Variants in CCSER1 observed in about 807,000 individuals in gnomAD.
The protein encoded by CCSER1 is serine-rich coiled-coil domain-containing protein 1.
CCSER1 carries 41 observed loss-of-function variants against 82.0 expected under a neutral mutation model. That is an observed-to-expected ratio of 0.50 (90% CI 0.39 to 0.65). The LOEUF (loss-of-function observed/expected upper bound fraction) is 0.65. Ranked by LOEUF, CCSER1 falls within the 30% of genes least tolerant of loss-of-function variation. CCSER1 has a pLI of 0.00. For synonymous variants in CCSER1, 414 were observed against 383.9 expected (o/e 1.08, Z -0.92); for missense variants, 1,119 against 1,064.2 (o/e 1.05, Z -0.72).
intron 1 of CCSER1, among the ~76,000 whole-genome samples, chr4:90,270,489 A>G (rs1259149103): frequency 6.6e-6 from 1 of 152,054 alleles, no homozygotes; most frequent in African/African-American, 2.4e-5. Flanking sequence ...TAGAAGGAAC[A>G]CACCTCAACA....
intron 10 of CCSER1, among the ~76,000 whole-genome samples, chr4:91,448,393 A>G (rs565776329): frequency 6.6e-6 from 1 of 152,232 alleles, no homozygotes; most frequent in Admixed American, 6.5e-5. Flanking sequence ...TCAATAAACC[A>G]TTTAATTACT....
At chr4:90,923,617 G>GA in intron 9 of CCSER1, 170 bp downstream of exon 9, 1 of 518,440 alleles carries the variant, frequency 1.9e-6, no homozygotes, top group East Asian at 3.0e-5. Context: ...AACTAAAAAA[G>GA]ATGATTACAG....
chr4:90,409,265 A>C (rs1754279314), intron 4 of CCSER1, among the ~76,000 whole-genome samples: 2 of 152,240 alleles, frequency 1.3e-5, no homozygotes, highest in Admixed American at 1.3e-4. Flanking sequence ...ATTCAAATTC[A>C]GGAAATACAG....
chr4:91,415,951 T>G (rs1424004836), intron 10 of CCSER1, among the ~76,000 whole-genome samples: 1 of 152,086 alleles, frequency 6.6e-6, no homozygotes, highest in Non-Finnish European at 1.5e-5. Context: ...CATTTTCAAT[T>G]GTTTGGAATA....
Position 91,057,123 on chromosome 4 carries a change from G to A in CCSER1, c.2173-28827G>A, listed in dbSNP as rs149894148. On this transcript the variant is annotated intron_variant, in intron 9 of 10. Transcript: ENST00000509176. Reference sequence around the variant, plus strand: ...GAACAAAGATCCCTGATATTTGGAGGACAAGGTCCTTATTGCCCACCCTGG... The same window carrying A: ...GAACAAAGATCCCTGATATTTGGAGAACAAGGTCCTTATTGCCCACCCTGG... Among the ~76,000 whole-genome samples, 5 of 152,266 alleles carry A rather than the reference G, an allele frequency of 3.3e-5. No homozygotes were observed. The East Asian group carries it at 9.7e-4, about 29-fold the overall frequency.
At chr4:91,496,291 C>T (rs1225557879) in intron 10 of CCSER1, among the ~76,000 whole-genome samples, 1 of 151,070 alleles carries the variant, frequency 6.6e-6, no homozygotes, top group East Asian at 1.9e-4. Flanking sequence ...TTTTTCTGTG[C>T]TTGTATCACC....
chr4:90,244,829 C>T (rs1417399552), intron 1 of CCSER1, among the ~76,000 whole-genome samples: 1 of 152,038 alleles, frequency 6.6e-6, no homozygotes, highest in Non-Finnish European at 1.5e-5. Context: ...CCATATCAGT[C>T]TAAAAATGTA....
At chr4:90,870,834 T>TC (rs1766385072) in intron 8 of CCSER1, among the ~76,000 whole-genome samples, 1 of 138,240 alleles carries the variant, frequency 7.2e-6, no homozygotes, top group Non-Finnish European at 1.6e-5. Flanking sequence ...TTTTTTTTTT[T>TC]ACCGGGAGAC....
At chr4:91,578,579 G>A (rs1261440310) in intron 10 of CCSER1, among the ~76,000 whole-genome samples, 1 of 151,872 alleles carries the variant, frequency 6.6e-6, no homozygotes, top group East Asian at 1.9e-4. Context: ...TGGCTAGAAT[G>A]CTTCTTAGGT....
At chr4:91,467,021 G>C (rs1756952606) in intron 10 of CCSER1, among the ~76,000 whole-genome samples, 1 of 152,096 alleles carries the variant, frequency 6.6e-6, no homozygotes, top group African/African-American at 2.4e-5. Flanking sequence ...AGTTCATATG[G>C]AACCAAAGAA....
At chr4:91,470,438 G>A (rs13150878) in intron 10 of CCSER1, among the ~76,000 whole-genome samples, 127,127 of 151,958 alleles carry the variant, frequency 0.84, 53,653 homozygotes, top group African/African-American at 0.94. Flanking sequence ...ATGGAAGACT[G>A]AAATGGTAAA....
intron 10 of CCSER1, among the ~76,000 whole-genome samples, chr4:91,573,241 A>G (rs1381233415): frequency 6.6e-6 from 1 of 152,194 alleles, no homozygotes; most frequent in Non-Finnish European, 1.5e-5. Flanking sequence ...CCCTCCCAAC[A>G]GGAGCTCTTT....
intron 6 of CCSER1, among the ~76,000 whole-genome samples, chr4:90,696,525 A>G (rs532640926): frequency 2.3e-4 from 35 of 152,300 alleles, no homozygotes; most frequent in South Asian, 6.2e-4. Context: ...CAACTGTATG[A>G]CACGTCCTAA....
At chr4:91,114,493 A>G (rs182701509) in intron 10 of CCSER1, among the ~76,000 whole-genome samples, 10 of 152,276 alleles carry the variant, frequency 6.6e-5, no homozygotes, top group Non-Finnish European at 4.4e-5. Context: ...GAGAGTCCCA[A>G]TAAAGACCCA....
intron 10 of CCSER1, among the ~76,000 whole-genome samples, chr4:91,375,451 C>T (rs1389424251): frequency 2.0e-5 from 3 of 151,628 alleles, no homozygotes; most frequent in Non-Finnish European, 4.4e-5. Context: ...TATCAAACAG[C>T]ATTACACACT....
intron 8 of CCSER1, among the ~76,000 whole-genome samples, chr4:90,880,186 G>A (rs1466604502): frequency 6.6e-6 from 1 of 152,118 alleles, no homozygotes; most frequent in Non-Finnish European, 1.5e-5. Flanking sequence ...AGGTGGCTTG[G>A]CACTCCTGGG....
intron 5 of CCSER1, among the ~76,000 whole-genome samples, chr4:90,574,559 C>T (rs867115546): frequency 5.3e-5 from 8 of 151,776 alleles, no homozygotes; most frequent in African/African-American, 9.7e-5. Flanking sequence ...TGAGCCACCG[C>T]GCCTGGCCCG....
chr4:90,871,082 T>C (rs1766432444), intron 8 of CCSER1, among the ~76,000 whole-genome samples: 1 of 150,816 alleles, frequency 6.6e-6, no homozygotes, highest in African/African-American at 2.4e-5. Flanking sequence ...CTTTTTTTCT[T>C]AGACTTTTTA....
At position 90,705,678 on chromosome 4, in the gene CCSER1, G is replaced by A. The variant is rs1008958215; in HGVS notation, c.1933-18236G>A. On this transcript the variant is annotated intron_variant, in intron 6 of 10. Coordinates refer to ENST00000509176, the MANE Select transcript of CCSER1 (RefSeq NM_001145065.2). ...TACTCAAGCCTCAGCAATGGTGGGCGCCCCTCCCCCAGTCTCACTGCCTCC... is the reference window on the plus strand; with the variant it reads ...TACTCAAGCCTCAGCAATGGTGGGCACCCCTCCCCCAGTCTCACTGCCTCC... Among the ~76,000 whole-genome samples, 7 of 152,158 alleles carry A rather than the reference G, an allele frequency of 4.6e-5. No individual in the cohort carries two copies. The East Asian group carries it at 7.7e-4, about 17-fold the overall frequency.
Sources: gnomAD v4.1 joint callset for allele counts (sites outside exome capture counted in the v4.1 genomes callset) on GRCh38, gnomAD v4.1.1 for gene constraint, MANE v1.5 for transcripts, NCBI Gene and HGNC (gene_info 2026-07-23, HGNC 2026-07-21) for gene names.